PCDH15: variants seen among roughly 807,000 people sequenced by gnomAD.
PCDH15 encodes the protein protocadherin related 15.
A neutral mutation model predicts 178.5 loss-of-function variants in PCDH15; 129 were observed. The observed-to-expected ratio is 0.72, with a 90% CI of 0.63 to 0.84. PCDH15 has a LOEUF of 0.84. PCDH15 is among the 40% of genes least tolerant of loss of function. PCDH15 has a pLI of 0.00. For missense variants in PCDH15, 2,230 were observed against 2,099.9 expected (o/e 1.06, Z -1.21); for synonymous variants, 800 against 732.0 (o/e 1.09, Z -1.50).
At chr10:54,571,287 C>A (rs982472647) in intron 2 of PCDH15, among the ~76,000 whole-genome samples, 2 of 149,444 alleles carry the variant, frequency 1.3e-5, no homozygotes, top group South Asian at 4.2e-4. Flanking sequence ...ACCAGTCCCA[C>A]CCTCTTGCTC....
In PCDH15 at chr10:54,914,027, G is replaced by T. The variant is rs572412669; in HGVS notation, c.-79-16527C>A. 2.0e-5 allele frequency among the ~76,000 whole-genome samples: 3 copies of T among 152,262 alleles called. No individual in the cohort carries two copies. In the East Asian group the frequency reaches 5.8e-4, roughly 29 times the overall value. On this transcript the variant is annotated intron_variant, in intron 2 of 5. Coordinates refer to the PCDH15 transcript ENST00000458638. ...ATGAGACTTTAGACTGTGAACTTTT[G>T]AGTTTGTGCCAAAAGGCTTTAAGAT...
intron 2 of PCDH15, among the ~76,000 whole-genome samples, chr10:55,433,909 G>A (rs1447704634): frequency 6.6e-6 from 1 of 151,770 alleles, no homozygotes; most frequent in East Asian, 1.9e-4. Context: ...GAGAAGTAGT[G>A]CCCTATCTGT....
chr10:55,063,262 A>T (rs1841483290), intron 2 of PCDH15, among the ~76,000 whole-genome samples: 1 of 152,172 alleles, frequency 6.6e-6, no homozygotes, highest in South Asian at 2.1e-4. Flanking sequence ...GACGTTTTAT[A>T]AAATACAGTT....
intron 1 of PCDH15, among the ~76,000 whole-genome samples, chr10:55,169,106 A>C (rs1839267799): frequency 6.6e-6 from 1 of 152,106 alleles, no homozygotes; most frequent in African/African-American, 2.4e-5. Flanking sequence ...CCTAATACCG[A>C]AAATAAACAT....
At chr10:54,932,227 G>T (rs143402664) in intron 2 of PCDH15, among the ~76,000 whole-genome samples, 2 of 152,148 alleles carry the variant, frequency 1.3e-5, no homozygotes, top group Admixed American at 1.3e-4. Context: ...AGCGCTTCAC[G>T]CATGTCACTG....
chr10:55,203,631 G>A (rs1840312942), intron 1 of PCDH15, among the ~76,000 whole-genome samples: 1 of 151,874 alleles, frequency 6.6e-6, no homozygotes, highest in South Asian at 2.1e-4. Context: ...GTCAGAGAGG[G>A]GCCATGGTAG....
intron 26 of PCDH15, among the ~76,000 whole-genome samples, chr10:53,897,308 A>C (rs1186708486): frequency 1.3e-5 from 2 of 151,846 alleles, no homozygotes; most frequent in African/African-American, 4.9e-5. Flanking sequence ...AACGCAGTAC[A>C]TAGTCAAGAA....
intron 2 of PCDH15, among the ~76,000 whole-genome samples, chr10:55,339,577 G>A (rs1305744745): frequency 6.6e-6 from 1 of 152,092 alleles, no homozygotes. Flanking sequence ...ATCCCATCAA[G>A]AGTTTTATAA....
chr10:55,058,212 T>G (rs536065155), intron 2 of PCDH15, among the ~76,000 whole-genome samples: 1 of 152,276 alleles, frequency 6.6e-6, no homozygotes, highest in South Asian at 2.1e-4. Flanking sequence ...TATTTTTTAT[T>G]TTATTTTACT....
At chr10:54,034,506 T>C (rs1011691158) in intron 18 of PCDH15, among the ~76,000 whole-genome samples, 5 of 152,010 alleles carry the variant, frequency 3.3e-5, no homozygotes, top group African/African-American at 1.2e-4. Flanking sequence ...AACAATTCAC[T>C]GAAGTAACTG....
chr10:54,449,334 T>C (rs1184189324), intron 3 of PCDH15, among the ~76,000 whole-genome samples: 2 of 151,880 alleles, frequency 1.3e-5, no homozygotes, highest in South Asian at 2.1e-4. Context: ...AGGGGTGGTG[T>C]AGAGTTGCCT....
At chr10:55,090,926 A>C (rs985454309) in intron 2 of PCDH15, among the ~76,000 whole-genome samples, 3 of 151,716 alleles carry the variant, frequency 2.0e-5, no homozygotes, top group Non-Finnish European at 2.9e-5. Context: ...TTTTTGGACT[A>C]AAGTACTTCT....
At chr10:55,066,105 C>T (rs1015368367) in intron 2 of PCDH15, among the ~76,000 whole-genome samples, 2 of 151,750 alleles carry the variant, frequency 1.3e-5, no homozygotes, top group African/African-American at 4.8e-5. Context: ...TTACTTATCA[C>T]AAAAATTGTC....
intron 26 of PCDH15, among the ~76,000 whole-genome samples, chr10:53,876,149 C>T (rs1011414762): frequency 2.6e-5 from 4 of 151,436 alleles, no homozygotes; most frequent in African/African-American, 4.8e-5. Context: ...AGAGCTTTGG[C>T]AGGTTAGAAC....
intron 2 of PCDH15, among the ~76,000 whole-genome samples, chr10:54,559,513 G>A (rs2087769682): frequency 1.3e-5 from 2 of 152,024 alleles, no homozygotes; most frequent in Admixed American, 1.3e-4. Flanking sequence ...GTATGCATTT[G>A]TGTATGTGGT....
intron 2 of PCDH15, among the ~76,000 whole-genome samples, chr10:55,332,383 G>A (rs574913832): frequency 4.6e-4 from 70 of 152,184 alleles, no homozygotes; most frequent in African/African-American, 1.5e-3. Flanking sequence ...AACTGGAAGA[G>A]GTCCCCCATT....
intron 2 of PCDH15, among the ~76,000 whole-genome samples, chr10:55,493,534 CT>C (rs1840468524): frequency 6.6e-6 from 1 of 150,560 alleles, no homozygotes; most frequent in Non-Finnish European, 1.5e-5. Flanking sequence ...AGAGAAAAAC[CT>C]TGTCTCAAAA....
At chr10:54,583,188 T>C (rs1266680660) in intron 2 of PCDH15, among the ~76,000 whole-genome samples, 1 of 152,052 alleles carries the variant, frequency 6.6e-6, no homozygotes, top group East Asian at 1.9e-4. Flanking sequence ...TTTATGAAAA[T>C]AAAATTATAC....
At chr10:55,480,096 T>C (rs1212059120) in intron 2 of PCDH15, among the ~76,000 whole-genome samples, 3 of 151,598 alleles carry the variant, frequency 2.0e-5, no homozygotes, top group African/African-American at 7.3e-5. Context: ...GGGTAGTATG[T>C]CATTGTAATG....
Sources: allele counts gnomAD v4.1 joint callset (sites outside exome capture counted in the v4.1 genomes callset), GRCh38; gene constraint gnomAD v4.1.1; transcripts MANE v1.5; gene names NCBI Gene and HGNC (gene_info 2026-07-23, HGNC 2026-07-21).